The following LGR4 variants were observed in gnomAD, a reference collection of about 807,000 sequenced individuals.
LGR4 encodes leucine-rich repeat-containing G protein-coupled receptor 4.
LGR4 carries 44 observed loss-of-function variants against 84.8 expected under a neutral mutation model. That is an observed-to-expected ratio of 0.52 (90% confidence interval 0.41 to 0.67). The LOEUF is 0.67. Ranked by LOEUF, LGR4 falls within the 30% of genes least tolerant of loss-of-function variation. LGR4 has a pLI of 0.00. For synonymous variants in LGR4, 429 were observed against 434.3 expected (o/e 0.99, Z 0.15); for missense variants, 1,032 against 1,131.4 (o/e 0.91, Z 1.26).
intron 1 of LGR4, among the ~76,000 whole-genome samples, chr11:27,422,912 A>G (rs939704633): frequency 2.0e-5 from 3 of 152,178 alleles, no homozygotes; most frequent in African/African-American, 4.8e-5. Context: ...AACTGTTTCT[A>G]TAGAACTGGT....
At chr11:27,448,929 C>G (rs903954350) in intron 1 of LGR4, among the ~76,000 whole-genome samples, 4 of 152,090 alleles carry the variant, frequency 2.6e-5, no homozygotes, top group Non-Finnish European at 5.9e-5. Context: ...TTAATAAAAA[C>G]TAAATAAAAC....
At chr11:27,412,689 G>A in intron 2 of LGR4, 100 bp downstream of exon 2, 1 of 789,506 alleles carries the variant, frequency 1.3e-6, no homozygotes. Flanking sequence ...TAAGCTATCA[G>A]AATGTCTAAC....
chr11:27,384,370 G>T lies in LGR4; in HGVS notation c.655C>A (p.His219Asn). 6.2e-7 allele frequency: 1 copy of T among 1,611,012 alleles called. No homozygotes were observed. The highest frequency in any genetic ancestry group is 8.5e-7 in the Non-Finnish European group (1 of 1,177,926). The stretch of plus-strand genomic sequence containing the variant: ...AGGTTATCTAGTCCATCAAAACAGT[G>T]TTGACTCAGGCTTCTAATTTTATTG... ...HNNKIRSLSQ[H>N]CFDGLDNLET... Residue 219 changes from histidine to asparagine, a missense_variant, in exon 6 of 18, where the codon CAC (histidine) becomes AAC (asparagine). Coordinates refer to ENST00000379214, the MANE Select transcript of LGR4 (RefSeq NM_018490.5).
chr11:27,422,021 C>A (rs1863930286), intron 1 of LGR4, among the ~76,000 whole-genome samples: 2 of 152,146 alleles, frequency 1.3e-5, no homozygotes, highest in African/African-American at 4.8e-5. Context: ...CTGGTGTTCC[C>A]AGGCATCTCT....
intron 11 of LGR4, 30 bp downstream of exon 11, chr11:27,378,667 T>C: frequency 7.0e-7 from 1 of 1,436,802 alleles, no homozygotes; most frequent in Non-Finnish European, 9.8e-7. Flanking sequence ...ACAAAAGGTA[T>C]GAGGGGAAGG....
chr11:27,461,376 T>C (rs1238351639), intron 1 of LGR4, among the ~76,000 whole-genome samples: 2 of 151,674 alleles, frequency 1.3e-5, no homozygotes, highest in South Asian at 2.1e-4. Flanking sequence ...AGGTACCCCA[T>C]AACCAGTAAA....
At chr11:27,380,734 T>C in intron 8 of LGR4, 23 bp from the exon 9 acceptor site, 1 of 1,526,596 alleles carries the variant, frequency 6.6e-7, no homozygotes, top group Admixed American at 1.7e-5. Context: ...CCAAAAAAAG[T>C]AAAATTTTCA....
At chr11:27,398,898 T>C (rs1045100678) in intron 2 of LGR4, among the ~76,000 whole-genome samples, 1 of 151,794 alleles carries the variant, frequency 6.6e-6, no homozygotes, top group South Asian at 2.1e-4. Flanking sequence ...TCTTCCTCTT[T>C]CTCTCTCTCT....
At chr11:27,428,664 C>T (rs564450375) in intron 1 of LGR4, among the ~76,000 whole-genome samples, 1 of 152,328 alleles carries the variant, frequency 6.6e-6, no homozygotes. Context: ...TAAGAGCCCC[C>T]TGAGGGGCAG....
At chr11:27,411,398 A>C (rs755319256) in intron 2 of LGR4, among the ~76,000 whole-genome samples, 34 of 151,710 alleles carry the variant, frequency 2.2e-4, no homozygotes, top group Non-Finnish European at 3.8e-4. Flanking sequence ...GAAAAAAAAA[A>C]ACAACAACAC....
intron 1 of LGR4, among the ~76,000 whole-genome samples, chr11:27,421,301 C>G (rs941392760): frequency 7.2e-5 from 11 of 152,126 alleles, no homozygotes; most frequent in Non-Finnish European, 1.6e-4. Flanking sequence ...CCTAAGAAAC[C>G]CTTAGATTCA....
intron 10 of LGR4, 121 bp downstream of exon 10, chr11:27,380,150 T>TAC: frequency 1.6e-6 from 1 of 612,604 alleles, no homozygotes; most frequent in Non-Finnish European, 2.9e-6. Flanking sequence ...GCATGATATA[T>TAC]ACAAAGGGAA....
chr11:27,369,220 G>T, intron 17 of LGR4, 77 bp from the exon 18 acceptor site: 2 of 1,136,878 alleles, frequency 1.8e-6, no homozygotes, highest in Non-Finnish European at 2.4e-6. Flanking sequence ...TGGCTTGATA[G>T]AAAAACTAAT....
intron 1 of LGR4, among the ~76,000 whole-genome samples, chr11:27,470,947 ACTGT>A (rs1176400800): frequency 1.3e-5 from 2 of 151,988 alleles, no homozygotes; most frequent in Non-Finnish European, 2.9e-5. Context: ...GTCCTTTAAA[ACTGT>A]CTATTTCTAA....
At chr11:27,394,194 C>T (rs997972669) in intron 2 of LGR4, among the ~76,000 whole-genome samples, 2 of 152,066 alleles carry the variant, frequency 1.3e-5, no homozygotes, top group Non-Finnish European at 1.5e-5. Flanking sequence ...TCAAGGTTTC[C>T]CCATAACCCA....
chr11:27,423,977 A>G (rs1483702874), intron 1 of LGR4, among the ~76,000 whole-genome samples: 9 of 152,210 alleles, frequency 5.9e-5, no homozygotes, highest in Admixed American at 2.6e-4. Context: ...ATTTCACGGC[A>G]GAACATAGTT....
Position 27,472,722 on chromosome 11 carries a change from C to T in LGR4, c.-420G>A, listed in dbSNP as rs1368085629. 8 of 360,338 alleles carry T rather than the reference C, an allele frequency of 2.2e-5. No homozygotes were observed. The highest frequency in any genetic ancestry group is 7.2e-4 in the Middle Eastern group (1 of 1,386). The allele number at this position is 360,338 out of a possible 1,614,324, so 22.3% of individuals were successfully genotyped here. On this transcript the variant is annotated 5_prime_UTR_variant, in exon 1 of 18. Transcript: ENST00000379214. Reference sequence around the variant, plus strand: ...TGGCTCTCGCACAAACACCCAGACTCTGGCTCGCTGTCTCCCAGCCGCGGC... The same window carrying T: ...TGGCTCTCGCACAAACACCCAGACTTTGGCTCGCTGTCTCCCAGCCGCGGC...
intron 1 of LGR4, among the ~76,000 whole-genome samples, chr11:27,432,672 A>G (rs1864134593): frequency 6.6e-6 from 1 of 152,214 alleles, no homozygotes; most frequent in African/African-American, 2.4e-5. Context: ...GACAAGCCTA[A>G]GATCTTACAG....
At chr11:27,415,599 C>A (rs1863801443) in intron 1 of LGR4, among the ~76,000 whole-genome samples, 1 of 152,082 alleles carries the variant, frequency 6.6e-6, no homozygotes, top group Admixed American at 6.6e-5. Flanking sequence ...TATTTCAAAG[C>A]TTCAGATTCA....
Sources: allele counts gnomAD v4.1 joint callset (sites outside exome capture counted in the v4.1 genomes callset), GRCh38; gene constraint gnomAD v4.1.1; transcripts MANE v1.5; gene names NCBI Gene and HGNC (gene_info 2026-07-23, HGNC 2026-07-21).